The following NSD2 variants were observed in gnomAD, a reference collection of about 807,000 sequenced individuals.
NSD2 encodes the protein nuclear receptor binding SET domain protein 2, also known as histone-lysine N-methyltransferase NSD2.
NSD2 carries 12 observed loss-of-function variants against 139.0 expected under a neutral mutation model. The observed-to-expected ratio is 0.09, with a 90% CI of 0.06 to 0.14. The LOEUF is 0.14. Among genes scored for constraint, NSD2 ranks in the 10% least tolerant of loss-of-function variants. The probability of loss-of-function intolerance (pLI) is 1.00; values close to 1 mark genes in which losing one functional copy is unlikely to be tolerated. For synonymous variants in NSD2, 669 were observed against 648.7 expected, an observed-to-expected ratio of 1.03 and a Z score of -0.48; for missense variants, 1,155 against 1,745.0, an observed-to-expected ratio of 0.66 and a Z score of 6.02.
At chr4:1,872,635 A>AGAGAGAGAGAGAGC (rs1179623184) in intron 1 of NSD2, among the ~76,000 whole-genome samples, 26 of 120,188 alleles carry the variant, frequency 2.2e-4, no homozygotes, top group South Asian at 2.0e-3. Context: ...AGAGAGAGAG[A>AGAGAGAGAGAGAGC]GCGCGCAGAC....
chr4:1,976,452 C>G lies in NSD2; in HGVS notation c.3622-23C>G, dbSNP rs751882425. ...AGCCTGTGTAATTCTTTCCGGTGAT[C>G]TGTGCTTAATTCTTGACTCTAGACC... On this transcript the variant is annotated intron_variant, in intron 20 of 21. Transcript: ENST00000508803. The surrounding 1 kb of genome is among the most constrained non-coding windows in gnomAD (Gnocchi z 5.3). 2 of 1,608,638 alleles carry G rather than the reference C, an allele frequency of 1.2e-6. No individual in the cohort carries two copies. The highest frequency in any genetic ancestry group is 1.7e-6 in the Non-Finnish European group (2 of 1,177,554).
chr4:1,938,153 G>A (rs886323265), intron 7 of NSD2, among the ~76,000 whole-genome samples: 6 of 152,136 alleles, frequency 3.9e-5, no homozygotes, highest in East Asian at 1.9e-4. Context: ...GGGTCTTGGC[G>A]TGGCCCCACC....
chr4:1,909,269 C>A (rs185083960), intron 3 of NSD2, among the ~76,000 whole-genome samples: 101 of 152,150 alleles, frequency 6.6e-4, no homozygotes, highest in Non-Finnish European at 1.2e-3. Context: ...ACCACCCCCC[C>A]CAACCCTAGC....
At chr4:1,898,594 A>G (rs1260873052) in intron 1 of NSD2, among the ~76,000 whole-genome samples, 7 of 148,316 alleles carry the variant, frequency 4.7e-5, no homozygotes, top group Non-Finnish European at 5.9e-5. Context: ...CGGGAGGTGG[A>G]GGTTGCAGTG....
chr4:1,966,404 T>C (rs59717604), intron 18 of NSD2, among the ~76,000 whole-genome samples: 9,629 of 152,142 alleles, frequency 0.063, 1,060 homozygotes, highest in African/African-American at 0.22. Context: ...CGCCTGTAAT[T>C]CCAGCGCTTT....
Position 1,901,255 on chromosome 4 carries a change from T to C in NSD2, c.597+4T>C. On this transcript the variant is annotated splice_donor_region_variant and intron_variant, in intron 2 of 21. Coordinates refer to ENST00000508803, the MANE Select transcript of NSD2 (RefSeq NM_001042424.3). ...CTCAAGTCCTTCAGATAAAAAGGTA[T>C]TTAGGAGACGTTGTGTAAGGGGTCA... 1 of 1,554,474 alleles carries C rather than the reference T, an allele frequency of 6.4e-7. No individual in the cohort carries two copies. Among genetic ancestry groups the C allele is most frequent in the Non-Finnish European group, 8.7e-7 (1 of 1,155,758 alleles).
rs141191479 is a variant in NSD2 at position 1,971,642 on chromosome 4, C to G, written c.3373-3221C>G. ...CGTGAGGTCCGAGCCAGGGCGTGGA[C>G]CTGTATGTGAACATGGGAGGAGGGG... On this transcript the variant is annotated intron_variant, in intron 18 of 21. Coordinates refer to ENST00000508803, the MANE Select transcript of NSD2 (RefSeq NM_001042424.3). 6.7e-4 allele frequency among the ~76,000 whole-genome samples: 102 copies of G among 152,232 alleles called. 3 individuals carry two copies. The highest frequency in any genetic ancestry group is 3.4e-3 in the Middle Eastern group (1 of 294).
At chr4:1,879,577 T>C (rs1425399507) in intron 1 of NSD2, among the ~76,000 whole-genome samples, 2 of 152,152 alleles carry the variant, frequency 1.3e-5, no homozygotes, top group African/African-American at 4.8e-5. Flanking sequence ...TGGCCAGTGA[T>C]CCTGCCTGTC....
At chr4:1,907,708 G>T (rs945748316) in intron 3 of NSD2, among the ~76,000 whole-genome samples, 4 of 150,594 alleles carry the variant, frequency 2.7e-5, no homozygotes, top group Non-Finnish European at 5.9e-5. Context: ...TGCCTCCTGG[G>T]TTCAAGCAAT....
chr4:1,901,980 T>G (rs1717244849), intron 2 of NSD2, among the ~76,000 whole-genome samples: 1 of 152,168 alleles, frequency 6.6e-6, no homozygotes, highest in Admixed American at 6.5e-5. Flanking sequence ...GGGATGGCCC[T>G]GACACTCGGA....
chr4:1,953,659 G>T, intron 12 of NSD2, 135 bp downstream of exon 12: 1 of 1,148,174 alleles, frequency 8.7e-7, no homozygotes, highest in Non-Finnish European at 1.2e-6. Flanking sequence ...ACTGGACATC[G>T]GCTGGGTTGG....
intron 18 of NSD2, among the ~76,000 whole-genome samples, chr4:1,971,958 A>G (rs1363161734): frequency 6.6e-6 from 1 of 152,222 alleles, no homozygotes; most frequent in Non-Finnish European, 1.5e-5. Flanking sequence ...TGAGCCAGAC[A>G]CTTGTGGCCG....
intron 5 of NSD2, chr4:1,919,168 A>G (rs1363017441): frequency 9.1e-6 from 1 of 109,454 alleles, no homozygotes; most frequent in African/African-American, 4.9e-5. Flanking sequence ...ACTGTGTCTC[A>G]AAAAAAAAAA....
At chr4:1,873,974 C>A (rs755319736) in intron 1 of NSD2, among the ~76,000 whole-genome samples, 1 of 152,296 alleles carries the variant, frequency 6.6e-6, no homozygotes, top group Admixed American at 6.5e-5. Flanking sequence ...AGTGATTCTC[C>A]CGCCTCAGCC....
At position 1,959,701 on chromosome 4, in the gene NSD2, C is replaced by G. The variant is rs763391826; in HGVS notation, c.3216C>G (p.Gly1072=). 1.9e-6 allele frequency: 3 copies of G among 1,613,994 alleles called. No homozygotes were observed. The highest frequency in any genetic ancestry group is 2.5e-6 in the Non-Finnish European group (3 of 1,179,938). ...YPETKIIKTD[G]KGWGLVAKRD... The stretch of plus-strand genomic sequence containing the variant: ...AGACCAAGATCATCAAGACAGATGG[C>G]AAAGGGTGGGGCCTGGTCGCCAAGA... The change falls in exon 17 of 22, where the codon GGC becomes GGG. Residue 1072 remains glycine, a synonymous_variant. Coordinates refer to ENST00000508803, the MANE Select transcript of NSD2 (RefSeq NM_001042424.3).
At chr4:1,872,467 C>T (rs1184273080) in intron 1 of NSD2, among the ~76,000 whole-genome samples, 1 of 152,124 alleles carries the variant, frequency 6.6e-6, no homozygotes, top group African/African-American at 2.4e-5. Context: ...CAGCACGAAT[C>T]TTTCTGTGCC....
At chr4:1,905,148 G>T (rs1349892060) in intron 3 of NSD2, among the ~76,000 whole-genome samples, 1 of 152,050 alleles carries the variant, frequency 6.6e-6, no homozygotes, top group African/African-American at 2.4e-5. Flanking sequence ...AAAAAAGAAT[G>T]TTATATGTCC....
intron 3 of NSD2, among the ~76,000 whole-genome samples, chr4:1,906,922 A>G (rs1717997349): frequency 6.6e-6 from 1 of 151,932 alleles, no homozygotes; most frequent in Admixed American, 6.6e-5. Context: ...CGGCCTCCCA[A>G]AGTGCTGGGA....
intron 21 of NSD2, among the ~76,000 whole-genome samples, chr4:1,978,223 G>A (rs1330238529): frequency 6.6e-6 from 1 of 152,206 alleles, no homozygotes; most frequent in Non-Finnish European, 1.5e-5. Flanking sequence ...GCGAGAGGGT[G>A]GTCCCTAACG....
Sources: allele counts gnomAD v4.1 joint callset (sites outside exome capture counted in the v4.1 genomes callset), GRCh38; gene constraint gnomAD v4.1.1; non-coding constraint Gnocchi (gnomAD v3.1); transcripts MANE v1.5; gene names NCBI Gene and HGNC (gene_info 2026-07-23, HGNC 2026-07-21).